The following AOPEP variants were observed in gnomAD, a reference collection of about 807,000 sequenced individuals.
AOPEP encodes aminopeptidase O.
A neutral mutation model predicts 98.1 loss-of-function variants in AOPEP; 77 were observed. The observed-to-expected ratio is 0.78, with a 90% CI of 0.65 to 0.95. The LOEUF (loss-of-function observed/expected upper bound fraction) is 0.95, where lower values mean the gene tolerates loss of function less well. AOPEP is among the 40% of genes least tolerant of loss of function. The pLI is 0.00. For synonymous variants in AOPEP, 346 were observed against 365.3 expected (o/e 0.95, Z 0.60); for missense variants, 1,024 against 1,024.7 (o/e 1.00, Z 0.01).
chr9:94,896,532 G>A (rs1357256948), intron 5 of AOPEP, among the ~76,000 whole-genome samples: 1 of 152,192 alleles, frequency 6.6e-6, no homozygotes, highest in Non-Finnish European at 1.5e-5. Flanking sequence ...ATCAAGGTTA[G>A]CATCAACAGT....
chr9:94,967,729 C>G (rs1287184678), intron 9 of AOPEP, 29 bp from the exon 10 acceptor site: 2 of 1,599,634 alleles, frequency 1.3e-6, no homozygotes, highest in African/African-American at 1.3e-5. Context: ...TGATGGACAT[C>G]TTTAATGATT....
the AOPEP span, among the ~76,000 whole-genome samples, chr9:95,093,091 CAG>C: frequency 9.2e-5 from 14 of 152,190 alleles, no homozygotes; most frequent in Non-Finnish European, 2.1e-4. Flanking sequence ...AAAGAAAACA[CAG>C]ATAATTTATG....
chr9:95,050,543 T>C (rs1378078657), intron 13 of AOPEP, among the ~76,000 whole-genome samples: 1 of 152,234 alleles, frequency 6.6e-6, no homozygotes, highest in African/African-American at 2.4e-5. Context: ...GATTGTACAG[T>C]ACTCTCCACA....
intron 5 of AOPEP, among the ~76,000 whole-genome samples, chr9:94,897,896 A>G (rs6479581): frequency 0.9 from 135,353 of 150,784 alleles, 61,343 homozygotes; most frequent in East Asian, 0.97. Flanking sequence ...CTGGAATGCA[A>G]TAGCACTATC....
chr9:95,114,270 T>C, the AOPEP span: 1 of 356,954 alleles, frequency 2.8e-6, no homozygotes, highest in South Asian at 2.3e-5. Flanking sequence ...AAGTGCCCTT[T>C]CCCTTCTGTG....
chr9:94,909,763 G>C (rs146372664), intron 5 of AOPEP, among the ~76,000 whole-genome samples: 1 of 152,202 alleles, frequency 6.6e-6, no homozygotes, highest in Non-Finnish European at 1.5e-5. Context: ...GGTGTCTGTT[G>C]GTTCTGAGGT....
chr9:95,060,477 G>A (rs1266603424), intron 13 of AOPEP, among the ~76,000 whole-genome samples: 1 of 152,212 alleles, frequency 6.6e-6, no homozygotes, highest in Non-Finnish European at 1.5e-5. Context: ...CATGGAAAAC[G>A]GGGCCAAAGC....
At chr9:95,102,303 T>C in the AOPEP span, among the ~76,000 whole-genome samples, 1 of 152,222 alleles carries the variant, frequency 6.6e-6, no homozygotes. Flanking sequence ...GCCCCTGGCA[T>C]CCCTGGGCTA....
At chr9:94,978,961 G>A (rs2060013102) in intron 10 of AOPEP, among the ~76,000 whole-genome samples, 1 of 152,060 alleles carries the variant, frequency 6.6e-6, no homozygotes, top group Non-Finnish European at 1.5e-5. Context: ...TTCCTATAAA[G>A]TGCAGATTTC....
intron 1 of AOPEP, among the ~76,000 whole-genome samples, chr9:94,738,687 C>T (rs1832345712): frequency 6.6e-6 from 1 of 152,210 alleles, no homozygotes; most frequent in South Asian, 2.1e-4. Context: ...CATTCTCCCG[C>T]CTCAGCCTCC....
At chr9:95,095,068 G>A in the AOPEP span, among the ~76,000 whole-genome samples, 10 of 152,210 alleles carry the variant, frequency 6.6e-5, no homozygotes, top group Non-Finnish European at 1.2e-4. Flanking sequence ...GGAACATGGC[G>A]TCCAGGATTT....
intron 9 of AOPEP, among the ~76,000 whole-genome samples, chr9:94,956,662 T>C (rs2058478771): frequency 6.6e-6 from 1 of 152,172 alleles, no homozygotes; most frequent in Non-Finnish European, 1.5e-5. Flanking sequence ...CCCTGTCAGC[T>C]CGTATGGGCA....
At chr9:94,934,340 A>C in intron 7 of AOPEP, among the ~76,000 whole-genome samples, 1 of 115,742 alleles carries the variant, frequency 8.6e-6, no homozygotes, top group African/African-American at 5.5e-5. Context: ...TTTTTGAGAC[A>C]GAGTCTGGCT....
Position 94,916,709 on chromosome 9 carries a change from ATT to A in AOPEP, c.1365-7276_1365-7275del, listed in dbSNP as rs1491432458. ...GACTCCCTCTCAAAAAAAAAAAAAA[ATT>A]AAATAAATAAATAAATAAATAAATA... On this transcript the variant is annotated intron_variant, in intron 5 of 16. Transcript: ENST00000375315. Among the ~76,000 whole-genome samples, 159 of 143,666 alleles carry A rather than the reference ATT, an allele frequency of 1.1e-3. 1 individual carries two copies. Among genetic ancestry groups the A allele is most frequent in the African/African-American group, 3.9e-3 (151 of 39,004 alleles). 94.3% of individuals were successfully genotyped at this position (143,666 alleles called of 152,430 possible).
intron 7 of AOPEP, among the ~76,000 whole-genome samples, chr9:94,938,575 A>T (rs2056615329): frequency 6.6e-6 from 1 of 152,202 alleles, no homozygotes; most frequent in African/African-American, 2.4e-5. Context: ...AGGCATAAAA[A>T]GGAATGGATT....
chr9:94,898,052 C>T (rs559656444), intron 5 of AOPEP, among the ~76,000 whole-genome samples: 3 of 151,706 alleles, frequency 2.0e-5, no homozygotes, highest in Non-Finnish European at 4.4e-5. Context: ...GTTGGCCAGG[C>T]TGGTCTAGAA....
chr9:94,761,010 G>C (rs1248126446), intron 2 of AOPEP, among the ~76,000 whole-genome samples: 1 of 152,192 alleles, frequency 6.6e-6, no homozygotes, highest in African/African-American at 2.4e-5. Flanking sequence ...GCCTGGCAAA[G>C]TGCTTTCAAA....
chr9:94,935,738 C>G (rs1383219066), intron 7 of AOPEP, among the ~76,000 whole-genome samples: 1 of 152,126 alleles, frequency 6.6e-6, no homozygotes, highest in Non-Finnish European at 1.5e-5. Flanking sequence ...GGCCATACCC[C>G]CTTTTAAGCC....
At chr9:94,898,604 C>T (rs1823424194) in intron 5 of AOPEP, among the ~76,000 whole-genome samples, 1 of 147,736 alleles carries the variant, frequency 6.8e-6, no homozygotes, top group Non-Finnish European at 1.5e-5. Flanking sequence ...TGCACTCCAG[C>T]CTGGGCGACA....
Sources: allele counts gnomAD v4.1 joint callset (sites outside exome capture counted in the v4.1 genomes callset), GRCh38; gene constraint gnomAD v4.1.1; transcripts MANE v1.5; gene names NCBI Gene and HGNC (gene_info 2026-07-23, HGNC 2026-07-21).